The following KLHL2 variants were observed in gnomAD, a reference collection of about 807,000 sequenced individuals.
KLHL2 encodes kelch like family member 2.
A neutral mutation model predicts 75.8 loss-of-function variants in KLHL2; 15 were observed. The ratio of observed to expected loss-of-function variants is 0.20; its 90% CI spans 0.13 to 0.30. The LOEUF is 0.30. KLHL2 is among the 10% of genes least tolerant of loss of function. KLHL2 has a pLI of 1.00. For synonymous variants in KLHL2, 214 were observed against 251.9 expected, an observed-to-expected ratio of 0.85 and a Z score of 1.42; for missense variants, 381 against 741.0, an observed-to-expected ratio of 0.51 and a Z score of 5.64.
At chr4:165,277,429 A>C (rs1743211623) in intron 5 of KLHL2, among the ~76,000 whole-genome samples, 1 of 152,238 alleles carries the variant, frequency 6.6e-6, no homozygotes, top group South Asian at 2.1e-4. Context: ...TATTTTAATA[A>C]TTTAGTAGAT....
intron 8 of KLHL2, among the ~76,000 whole-genome samples, chr4:165,304,393 A>T (rs1476041971): frequency 6.6e-6 from 1 of 152,188 alleles, no homozygotes; most frequent in Non-Finnish European, 1.5e-5. Context: ...TGCCTAGTCA[A>T]GGCTGCAAAT....
chr4:165,289,509 G>GTTTTTTTTTT (rs1194080743), intron 5 of KLHL2, among the ~76,000 whole-genome samples: 6 of 112,952 alleles, frequency 5.3e-5, no homozygotes, highest in African/African-American at 1.1e-4. Flanking sequence ...TTTTGGTTTG[G>GTTTTTTTTTT]TTTTTTTTTT....
chr4:165,259,837 A>G (rs556330795), intron 4 of KLHL2, among the ~76,000 whole-genome samples: 20 of 152,184 alleles, frequency 1.3e-4, no homozygotes, highest in Non-Finnish European at 2.1e-4. Flanking sequence ...CTAGCTTTCC[A>G]TGACTCGCTG....
chr4:165,239,220 G>C (rs1260614681), intron 4 of KLHL2, among the ~76,000 whole-genome samples: 1 of 149,210 alleles, frequency 6.7e-6, no homozygotes, highest in Non-Finnish European at 1.5e-5. Flanking sequence ...GAAGGATATA[G>C]TCTACAAAGT....
At chr4:165,246,659 A>G (rs559136002) in intron 4 of KLHL2, among the ~76,000 whole-genome samples, 80 of 152,326 alleles carry the variant, frequency 5.3e-4, no homozygotes, top group African/African-American at 1.8e-3. Context: ...GGCCTGAGCA[A>G]CTGGGTGGAT....
At chr4:165,251,157 T>A (rs7692029) in intron 4 of KLHL2, among the ~76,000 whole-genome samples, 67,547 of 150,400 alleles carry the variant, frequency 0.45, 16,552 homozygotes, top group African/African-American at 0.64. Context: ...TAAATTCCTG[T>A]ATCAAACCTT....
At position 165,311,486 on chromosome 4, in the gene KLHL2, C is replaced by T. The variant is rs1056741224; in HGVS notation, c.1260C>T (p.Tyr420=). ...GSTGLSSVEA[Y]NIKSNEWFHV... is the part of the protein sequence containing the mutation. Reference sequence around the variant, plus strand: ...TAGGTTTGTCATCTGTGGAAGCATACAACATAAAGTCTAATGAGTGGTTTC... The same window carrying T: ...TAGGTTTGTCATCTGTGGAAGCATATAACATAAAGTCTAATGAGTGGTTTC... Residue 420 remains tyrosine (Y), a synonymous_variant, in exon 11 of 15, where the codon TAC becomes TAT. Coordinates refer to ENST00000226725, the MANE Select transcript of KLHL2 (RefSeq NM_007246.4). 1 of 1,612,426 alleles carries T rather than the reference C, an allele frequency of 6.2e-7. No homozygotes were observed. Among genetic ancestry groups the T allele is most frequent in the Non-Finnish European group, 8.5e-7 (1 of 1,178,848 alleles).
intron 1 of KLHL2, among the ~76,000 whole-genome samples, chr4:165,210,684 T>G (rs1379083157): frequency 6.6e-6 from 1 of 152,184 alleles, no homozygotes; most frequent in Non-Finnish European, 1.5e-5. Context: ...AGTTTAGATG[T>G]AGATTAGTAA....
At chr4:165,261,275 A>C (rs1351692062) in intron 4 of KLHL2, among the ~76,000 whole-genome samples, 1 of 152,242 alleles carries the variant, frequency 6.6e-6, no homozygotes, top group Non-Finnish European at 1.5e-5. Flanking sequence ...CTCATAACAT[A>C]ATGAAACCTA....
At chr4:165,281,350 C>T (rs566778920) in intron 5 of KLHL2, among the ~76,000 whole-genome samples, 1 of 148,736 alleles carries the variant, frequency 6.7e-6, no homozygotes, top group Non-Finnish European at 1.5e-5. Context: ...GAGTCTCGCT[C>T]TGTCACCCAG....
chr4:165,296,128 C>T (rs1744889547), intron 6 of KLHL2, among the ~76,000 whole-genome samples: 1 of 152,230 alleles, frequency 6.6e-6, no homozygotes, highest in African/African-American at 2.4e-5. Context: ...GCTAAGGTGA[C>T]CCAGATGCCT....
intron 14 of KLHL2, chr4:165,321,189 G>A (rs1055755970): frequency 2.2e-6 from 1 of 451,382 alleles, no homozygotes; most frequent in African/African-American, 2.0e-5. Context: ...TTTCCTTAAA[G>A]TTGCACCAAG....
intron 10 of KLHL2, among the ~76,000 whole-genome samples, chr4:165,311,099 C>T (rs567785430): frequency 2.9e-4 from 44 of 152,072 alleles, no homozygotes; most frequent in Non-Finnish European, 5.6e-4. Context: ...CTTTGTGATC[C>T]GCCCACCTCG....
intron 11 of KLHL2, among the ~76,000 whole-genome samples, chr4:165,312,208 A>G (rs1485804015): frequency 2.0e-5 from 3 of 152,148 alleles, no homozygotes; most frequent in Non-Finnish European, 4.4e-5. Flanking sequence ...AACAGGTTCC[A>G]GACAGGTACC....
At chr4:165,219,552 A>G (rs1737820779) in intron 1 of KLHL2, 1 of 337,626 alleles carries the variant, frequency 3.0e-6, no homozygotes, top group Non-Finnish European at 4.3e-6. Flanking sequence ...GTAAAATATG[A>G]TCCTGCTCTG....
At chr4:165,224,259 A>C (rs1271172828) in intron 2 of KLHL2, among the ~76,000 whole-genome samples, 1 of 152,018 alleles carries the variant, frequency 6.6e-6, no homozygotes, top group Non-Finnish European at 1.5e-5. Flanking sequence ...TTTTTAGGCT[A>C]TAGGATAAGA....
At position 165,207,606 on chromosome 4, in the gene KLHL2, G is replaced by A. The variant is rs1236141274; in HGVS notation, c.-271G>A. 1 of 149,284 alleles carries A rather than the reference G, an allele frequency of 6.7e-6. No homozygotes were observed. The highest frequency in any genetic ancestry group is 1.5e-5 in the Non-Finnish European group (1 of 66,732). The allele number at this position is 149,284 out of a possible 1,614,324, so 9.2% of individuals were successfully genotyped here. A position where few individuals can be genotyped will look rare whatever the true frequency, so the allele number is the denominator to read the frequency against. On this transcript the variant is annotated 5_prime_UTR_variant, in exon 1 of 15. Transcript: ENST00000226725. The surrounding 1 kb of genome is among the most constrained non-coding windows in gnomAD (Gnocchi z 4.2). ...GCCGGCCGGGGCCGAACCCGGAAGT[G>A]GCCGAGCCCGCGCGCCCGCCGGTCC... is the stretch of plus-strand genomic sequence containing the variant.
At chr4:165,312,897 A>G (rs1746310756) in intron 11 of KLHL2, among the ~76,000 whole-genome samples, 1 of 152,172 alleles carries the variant, frequency 6.6e-6, no homozygotes, top group Non-Finnish European at 1.5e-5. Flanking sequence ...CGATTTCCTA[A>G]GATAACTTTG....
At position 165,207,864 on chromosome 4, in the gene KLHL2, G is replaced by A. The variant is rs750299181; in HGVS notation, c.-13G>A. ...GGTCGGTGCCTGCGTTCTGAAGCCC[G>A]AGAGGAGCCACAATGGAGACGCCGC... On this transcript the variant is annotated 5_prime_UTR_variant, in exon 1 of 15. Coordinates refer to ENST00000226725, the MANE Select transcript of KLHL2 (RefSeq NM_007246.4). The surrounding 1 kb of genome is among the most constrained non-coding windows in gnomAD (Gnocchi z 4.2). The A allele has an allele frequency of 5.5e-6, 8 of 1,451,168 alleles. No individual in the cohort carries two copies. Among genetic ancestry groups the A allele is most frequent in the Middle Eastern group, 4.3e-4 (2 of 4,686 alleles). 89.9% of individuals were successfully genotyped at this position (1,451,168 alleles called of 1,614,324 possible).
Sources: gnomAD v4.1 joint callset for allele counts (sites outside exome capture counted in the v4.1 genomes callset) on GRCh38, gnomAD v4.1.1 for gene constraint, Gnocchi (gnomAD v3.1) non-coding constraint, MANE v1.5 for transcripts, NCBI Gene and HGNC (gene_info 2026-07-23, HGNC 2026-07-21) for gene names.